The following ICA1 variants were observed in gnomAD, a reference collection of about 807,000 sequenced individuals.
The protein encoded by ICA1 is islet cell autoantigen 1.
Under a neutral mutation model 71.0 loss-of-function variants are expected in ICA1, and 40 were observed. The observed-to-expected ratio is 0.56, with a 90% CI of 0.44 to 0.73. ICA1 has a LOEUF of 0.73. ICA1 is among the 30% of genes least tolerant of loss of function. ICA1 has a pLI of 0.00. For missense variants in ICA1, 578 were observed against 576.5 expected, an observed-to-expected ratio of 1.00 and a Z score of -0.03; for synonymous variants, 207 against 209.5, an observed-to-expected ratio of 0.99 and a Z score of 0.10.
chr7:8,242,231 C>G (rs1038485529), intron 1 of ICA1, among the ~76,000 whole-genome samples: 15 of 152,196 alleles, frequency 9.9e-5, no homozygotes, highest in African/African-American at 3.4e-4. Flanking sequence ...GACCACAGTG[C>G]AATCAAATTA....
At chr7:8,162,539 G>A (rs1804258489) in intron 6 of ICA1, among the ~76,000 whole-genome samples, 1 of 152,154 alleles carries the variant, frequency 6.6e-6, no homozygotes, top group Non-Finnish European at 1.5e-5. Context: ...ACTATCAAGA[G>A]TCTAATTTCA....
intron 9 of ICA1, among the ~76,000 whole-genome samples, chr7:8,143,405 C>T (rs1795860061): frequency 6.6e-6 from 1 of 152,160 alleles, no homozygotes; most frequent in South Asian, 2.1e-4. Context: ...TGCCAAAATC[C>T]AACACTTTCA....
intron 1 of ICA1, among the ~76,000 whole-genome samples, chr7:8,254,672 G>T (rs1809427471): frequency 6.6e-6 from 1 of 151,762 alleles, no homozygotes; most frequent in Non-Finnish European, 1.5e-5. Context: ...CTCTAGGGCA[G>T]ACCAGGTAGA....
intron 6 of ICA1, among the ~76,000 whole-genome samples, chr7:8,198,291 A>G (rs994087490): frequency 6.6e-6 from 1 of 152,242 alleles, no homozygotes; most frequent in Non-Finnish European, 1.5e-5. Context: ...ATCAACCTCA[A>G]CCTGTCTCCT....
intron 8 of ICA1, among the ~76,000 whole-genome samples, chr7:8,146,888 A>ACG (rs1797177464): frequency 3.4e-5 from 5 of 145,486 alleles, no homozygotes; most frequent in African/African-American, 1.3e-4. Context: ...ACACGCACAC[A>ACG]CACACACACA....
At chr7:8,233,320 G>A (rs1470749595) in intron 2 of ICA1, among the ~76,000 whole-genome samples, 1 of 152,140 alleles carries the variant, frequency 6.6e-6, no homozygotes, top group Non-Finnish European at 1.5e-5. Context: ...ACTATTCAAG[G>A]TGCATAAGGT....
At position 8,165,430 on chromosome 7, in the gene ICA1, G is replaced by A. The variant is rs143011877; in HGVS notation, c.580-6778C>T. ...GATATCCTTACCTCATTGAAAAAAT[G>A]TTTCTTCTCAGCATTCCCCTTGAAA... On this transcript the variant is annotated intron_variant, in intron 6 of 13. Coordinates refer to ENST00000402384, the MANE Select transcript of ICA1 (RefSeq NM_001136020.3). Among the ~76,000 whole-genome samples the A allele has an allele frequency of 2.5e-3, 386 of 152,250 alleles. 1 individual carries two copies. Among genetic ancestry groups the A allele is most frequent in the African/African-American group, 8.9e-3 (368 of 41,546 alleles).
intron 2 of ICA1, among the ~76,000 whole-genome samples, 191 bp from the exon 3 acceptor site, chr7:8,232,946 T>G (rs1171557417): frequency 6.6e-6 from 1 of 152,198 alleles, no homozygotes; most frequent in Non-Finnish European, 1.5e-5. Flanking sequence ...TCAAAAACCT[T>G]AAAAGTCAGA....
Position 8,139,515 on chromosome 7 carries a change from G to A in ICA1, c.956-468C>T, listed in dbSNP as rs117737384. ...GAAGATCAGCATTTGCCAAAGGCTT[G>A]AGGGGAGGGAGGGATGAATAGTGGA... On this transcript the variant is annotated intron_variant, in intron 10 of 13. Coordinates refer to ENST00000402384, the MANE Select transcript of ICA1 (RefSeq NM_001136020.3). Among the ~76,000 whole-genome samples, 1,330 of 152,318 alleles carry A rather than the reference G, an allele frequency of 8.7e-3. 10 individuals are homozygous for A. The highest frequency in any genetic ancestry group is 0.014 in the Non-Finnish European group (961 of 68,026).
chr7:8,145,773 TA>T, intron 8 of ICA1, among the ~76,000 whole-genome samples: 1 of 147,202 alleles, frequency 6.8e-6, no homozygotes, highest in African/African-American at 2.5e-5. Flanking sequence ...TATATGTATA[TA>T]AAATATATAG....
rs575327395 is a variant in ICA1 at position 8,130,986 on chromosome 7, C to T, written c.1061-2844G>A. Among the ~76,000 whole-genome samples the T allele has an allele frequency of 7.2e-5, 11 of 152,286 alleles. No individual in the cohort carries two copies. In the East Asian group the frequency reaches 2.1e-3, roughly 29 times the overall value. Reference sequence around the variant, plus strand: ...TCTGGAAATGACTCCTTACCCTCCACCCCAGTGAATGACTGATGAGGCTGG... The same window carrying T: ...TCTGGAAATGACTCCTTACCCTCCATCCCAGTGAATGACTGATGAGGCTGG... On this transcript the variant is annotated intron_variant, in intron 12 of 13. Coordinates refer to ENST00000402384, the MANE Select transcript of ICA1 (RefSeq NM_001136020.3). The surrounding 1 kb of genome is among the most constrained non-coding windows in gnomAD (Gnocchi z 4.2).
intron 1 of ICA1, among the ~76,000 whole-genome samples, chr7:8,236,589 A>G (rs1801915826): frequency 6.6e-6 from 1 of 152,234 alleles, no homozygotes; most frequent in Non-Finnish European, 1.5e-5. Context: ...ATAGAACAAA[A>G]TTTTAAAACC....
At chr7:8,246,648 C>T (rs1342063800) in intron 1 of ICA1, among the ~76,000 whole-genome samples, 1 of 152,214 alleles carries the variant, frequency 6.6e-6, no homozygotes, top group African/African-American at 2.4e-5. Flanking sequence ...ACTGAGAAAC[C>T]ACCTTGCTCT....
intron 2 of ICA1, 119 bp downstream of exon 2, chr7:8,235,791 G>C: frequency 9.5e-7 from 1 of 1,050,654 alleles, no homozygotes; most frequent in Non-Finnish European, 1.5e-6. Flanking sequence ...GCATTGGTGA[G>C]GGCTAACATG....
At chr7:8,143,517 G>A (rs1795905613) in intron 9 of ICA1, among the ~76,000 whole-genome samples, 1 of 152,212 alleles carries the variant, frequency 6.6e-6, no homozygotes, top group Non-Finnish European at 1.5e-5. Context: ...AGAGCATCTA[G>A]TGTTGACAAA....
chr7:8,210,121 T>A (rs184506638), intron 6 of ICA1, among the ~76,000 whole-genome samples: 2 of 152,268 alleles, frequency 1.3e-5, no homozygotes, highest in East Asian at 3.9e-4. Flanking sequence ...GGACTAGCAT[T>A]AGTGTGGAAA....
intron 6 of ICA1, among the ~76,000 whole-genome samples, chr7:8,210,602 A>T (rs6962056): frequency 0.038 from 5,803 of 151,172 alleles, 363 homozygotes; most frequent in African/African-American, 0.13. Flanking sequence ...TCAAAAGACA[A>T]TTTTTTTTTC....
At chr7:8,151,923 C>T (rs1450319253) in intron 8 of ICA1, among the ~76,000 whole-genome samples, 1 of 152,146 alleles carries the variant, frequency 6.6e-6, no homozygotes, top group East Asian at 1.9e-4. Flanking sequence ...TGAACATGTT[C>T]AGAGTTACGT....
intron 6 of ICA1, among the ~76,000 whole-genome samples, chr7:8,164,777 C>T (rs936088870): frequency 2.0e-5 from 3 of 152,186 alleles, no homozygotes; most frequent in African/African-American, 4.8e-5. Flanking sequence ...TCTGAAGTCA[C>T]TTCAAAAACA....
Sources: gnomAD v4.1 joint callset for allele counts (sites outside exome capture counted in the v4.1 genomes callset) on GRCh38, gnomAD v4.1.1 for gene constraint, Gnocchi (gnomAD v3.1) non-coding constraint, MANE v1.5 for transcripts, NCBI Gene and HGNC (gene_info 2026-07-23, HGNC 2026-07-21) for gene names.